Variants in DCAF6 observed in about 807,000 individuals in gnomAD.
DCAF6 encodes the protein DDB1- and CUL4-associated factor 6.
Under a neutral mutation model 125.1 loss-of-function variants are expected in DCAF6, and 54 were observed. That is an observed-to-expected ratio of 0.43 (90% CI 0.35 to 0.54). The LOEUF is 0.54. Among genes scored for constraint, DCAF6 ranks in the 20% least tolerant of loss-of-function variants. The pLI is 0.01. For missense variants in DCAF6, 934 were observed against 1,161.7 expected (o/e 0.80, Z 2.85); for synonymous variants, 371 against 390.4 (o/e 0.95, Z 0.58).
At chr1:167,910,493 A>G in the DCAF6 span, among the ~76,000 whole-genome samples, 11 of 152,204 alleles carry the variant, frequency 7.2e-5, no homozygotes, top group Non-Finnish European at 4.4e-5. Flanking sequence ...AGTGGGGGAC[A>G]TGGGTGTGTA....
intron 19 of DCAF6, 29 bp downstream of exon 19, chr1:168,065,775 A>G: frequency 6.3e-7 from 1 of 1,595,848 alleles, no homozygotes; most frequent in Non-Finnish European, 8.5e-7. Context: ...GACGAGGGCT[A>G]GAAATTATTT....
At chr1:167,880,477 G>C in the DCAF6 span, 4 of 1,587,048 alleles carry the variant, frequency 2.5e-6, no homozygotes, top group Non-Finnish European at 2.6e-6. Context: ...GGTGGGACCA[G>C]GGTCAATACT....
chr1:167,991,798 C>T (rs1680874888), intron 6 of DCAF6, among the ~76,000 whole-genome samples: 1 of 152,052 alleles, frequency 6.6e-6, no homozygotes, highest in African/African-American at 2.4e-5. Context: ...TGCAATTTTC[C>T]CTGTGTGTGT....
At chr1:167,934,450 A>C (rs909144380), upstream of DCAF6, among the ~76,000 whole-genome samples, 1 of 152,248 alleles carries the variant, frequency 6.6e-6, no homozygotes, top group Non-Finnish European at 1.5e-5. Context: ...AAAAAAATTG[A>C]ATGTTAAAAG....
chr1:168,043,212 C>T lies in DCAF6; in HGVS notation c.1843+72C>T, dbSNP rs1287125983. On this transcript the variant is annotated intron_variant, in intron 14 of 21. Coordinates refer to ENST00000367840, the MANE Select transcript of DCAF6 (RefSeq NM_001198956.2). ...TGTTTATCTACTTTCCTGTTCCCTT[C>T]GATGCTGTATTTTGTTTCTTGTTTT... The T allele has an allele frequency of 5.4e-5, 60 of 1,106,682 alleles. No homozygotes were observed. The East Asian group carries it at 1.2e-3, about 22-fold the overall frequency. The allele number at this position is 1,106,682 out of a possible 1,614,324, so 68.6% of individuals were successfully genotyped here.
chr1:167,955,666 C>T (rs997937914), intron 2 of DCAF6, among the ~76,000 whole-genome samples: 2 of 151,650 alleles, frequency 1.3e-5, no homozygotes, highest in Admixed American at 1.3e-4. Flanking sequence ...CTTTTCTAGT[C>T]TGGATTCCTT....
intron 21 of DCAF6, among the ~76,000 whole-genome samples, chr1:168,069,560 T>C (rs1692778491): frequency 6.6e-6 from 1 of 152,192 alleles, no homozygotes; most frequent in Non-Finnish European, 1.5e-5. Context: ...TGGAGACAAG[T>C]ATTCCACAGA....
intron 10 of DCAF6, among the ~76,000 whole-genome samples, chr1:168,014,566 C>T (rs550772871): frequency 6.6e-6 from 1 of 152,310 alleles, no homozygotes; most frequent in South Asian, 2.1e-4. Context: ...AATTTCTCCA[C>T]TTGGATGTCT....
In DCAF6 at chr1:167,991,351, ATAT is replaced by A. The variant is rs780705724; in HGVS notation, c.688+15_688+17del. The A allele has an allele frequency of 3.8e-6, 6 of 1,597,820 alleles. No individual in the cohort carries two copies. In the Admixed American group the frequency reaches 1.1e-4, roughly 28 times the overall value. ...CACAAGAGCTACAGGTAAGAAGATA[ATAT>A]TAGAGAAAATATAGGACTGTCAGTT... is the stretch of plus-strand genomic sequence containing the variant. On this transcript the variant is annotated intron_variant, in intron 6 of 21. Coordinates refer to ENST00000367840, the MANE Select transcript of DCAF6 (RefSeq NM_001198956.2).
At chr1:167,983,001 A>G (rs1035972938) in intron 4 of DCAF6, among the ~76,000 whole-genome samples, 5 of 151,686 alleles carry the variant, frequency 3.3e-5, no homozygotes, top group Non-Finnish European at 5.9e-5. Context: ...TGGGTTCTCT[A>G]TTCTGTTTCA....
At chr1:167,985,879 T>C (rs773851962) in intron 4 of DCAF6, among the ~76,000 whole-genome samples, 10 of 152,204 alleles carry the variant, frequency 6.6e-5, no homozygotes, top group Non-Finnish European at 1.2e-4. Flanking sequence ...AAGTCCTTTG[T>C]ACCCCCTCAA....
the DCAF6 span, among the ~76,000 whole-genome samples, chr1:167,891,145 A>G: frequency 2.6e-4 from 39 of 151,852 alleles, no homozygotes; most frequent in African/African-American, 9.2e-4. Flanking sequence ...TATTTTTAGT[A>G]GAGACAAGGT....
intron 7 of DCAF6, among the ~76,000 whole-genome samples, chr1:168,001,735 T>C (rs963464652): frequency 6.6e-6 from 1 of 151,902 alleles, no homozygotes; most frequent in Non-Finnish European, 1.5e-5. Flanking sequence ...GAGAGAATAA[T>C]TGGTCAAGCA....
At chr1:168,015,735 C>T in intron 10 of DCAF6, 46 bp from the exon 11 acceptor site, 1 of 1,364,544 alleles carries the variant, frequency 7.3e-7, no homozygotes, top group Non-Finnish European at 9.6e-7. Context: ...TTATTATTTT[C>T]TATTTTATTA....
At chr1:167,950,335 C>A (rs1673730608) in intron 1 of DCAF6, among the ~76,000 whole-genome samples, 2 of 152,062 alleles carry the variant, frequency 1.3e-5, no homozygotes. Flanking sequence ...AAGTTAGAAT[C>A]TTTTTACAAG....
At chr1:167,924,540 GAAA>G in the DCAF6 span, 2 of 1,243,708 alleles carry the variant, frequency 1.6e-6, no homozygotes, top group Non-Finnish European at 2.2e-6. Context: ...TCTGGGACCT[GAAA>G]AAAAAAAGAA....
intron 13 of DCAF6, among the ~76,000 whole-genome samples, chr1:168,039,369 CTTTA>C (rs1354880205): frequency 1.8e-4 from 27 of 151,326 alleles, no homozygotes; most frequent in East Asian, 1.9e-4. Flanking sequence ...TGAACTTTTT[CTTTA>C]TTTAATGGTC....
intron 1 of DCAF6, among the ~76,000 whole-genome samples, chr1:167,939,762 CATAAATAA>C (rs144622238): frequency 1.3e-5 from 2 of 151,320 alleles, no homozygotes; most frequent in African/African-American, 4.9e-5. Flanking sequence ...AACTCTGCGT[CATAAATAA>C]ATAAATAAAT....
chr1:167,884,369 A>T, the DCAF6 span, among the ~76,000 whole-genome samples: 3 of 152,252 alleles, frequency 2.0e-5, no homozygotes, highest in East Asian at 5.8e-4. Flanking sequence ...ATCAGATCCC[A>T]TGAGAACTCA....
Sources: allele counts gnomAD v4.1 joint callset (sites outside exome capture counted in the v4.1 genomes callset), GRCh38; gene constraint gnomAD v4.1.1; transcripts MANE v1.5; gene names NCBI Gene and HGNC (gene_info 2026-07-23, HGNC 2026-07-21).